INTU: variants seen among roughly 807,000 people sequenced by gnomAD.
INTU encodes inturned planar cell polarity protein, also known as protein inturned.
A neutral mutation model predicts 100.5 loss-of-function variants in INTU; 68 were observed. The observed-to-expected ratio is 0.68, with a 90% CI of 0.56 to 0.83. The LOEUF is 0.83. Among genes scored for constraint, INTU ranks in the 40% least tolerant of loss-of-function variants. The pLI is 0.00. For synonymous variants in INTU, 357 were observed against 395.7 expected (o/e 0.90, Z 1.16); for missense variants, 1,071 against 1,114.7 (o/e 0.96, Z 0.56).
At chr4:127,655,997 C>T (rs1308272433) in intron 2 of INTU, among the ~76,000 whole-genome samples, 8 of 152,308 alleles carry the variant, frequency 5.3e-5, no homozygotes, top group Admixed American at 2.6e-4. Flanking sequence ...CAGGTGCGTC[C>T]GTCACCCCTT....
chr4:127,686,998 CG>C, intron 7 of INTU: 1 of 152,234 alleles, frequency 6.6e-6, no homozygotes, highest in South Asian at 2.1e-4. Flanking sequence ...CCAAGTATTT[CG>C]GTTTTTTCTG....
chr4:127,680,263 C>G (rs1560857623), intron 6 of INTU, among the ~76,000 whole-genome samples: 1 of 151,994 alleles, frequency 6.6e-6, no homozygotes, highest in Non-Finnish European at 1.5e-5. Flanking sequence ...ATGAGGCCAG[C>G]ATCATCCTGA....
chr4:127,698,462 C>CAA (rs767877808), intron 8 of INTU, among the ~76,000 whole-genome samples: 5 of 97,934 alleles, frequency 5.1e-5, no homozygotes, highest in Non-Finnish European at 4.3e-5. Context: ...CACTCTGTCT[C>CAA]AAAAAAAAAA....
At chr4:127,640,027 C>T (rs1405327840) in intron 1 of INTU, among the ~76,000 whole-genome samples, 1 of 152,094 alleles carries the variant, frequency 6.6e-6, no homozygotes. Flanking sequence ...GTCACTATCA[C>T]CTACCCTGAA....
intron 8 of INTU, among the ~76,000 whole-genome samples, chr4:127,688,661 T>G (rs1243358399): frequency 6.6e-6 from 1 of 152,202 alleles, no homozygotes; most frequent in East Asian, 1.9e-4. Flanking sequence ...TTTAAATTGA[T>G]GTATCAATCA....
intron 15 of INTU, among the ~76,000 whole-genome samples, chr4:127,714,919 G>A (rs1050660569): frequency 3.3e-5 from 5 of 152,004 alleles, no homozygotes; most frequent in East Asian, 1.9e-4. Context: ...GCAGTGGGCG[G>A]TATGGCAAAC....
At chr4:127,688,083 T>G (rs1003299280) in intron 8 of INTU, among the ~76,000 whole-genome samples, 2 of 152,160 alleles carry the variant, frequency 1.3e-5, no homozygotes, top group Non-Finnish European at 2.9e-5. Context: ...ACTTTTAAAT[T>G]TAAGCTTTAT....
intron 6 of INTU, among the ~76,000 whole-genome samples, chr4:127,676,415 G>A (rs919474918): frequency 4.6e-5 from 7 of 151,996 alleles, no homozygotes; most frequent in African/African-American, 9.7e-5. Flanking sequence ...GTGAAACCCC[G>A]TCTCTTCAGC....
Position 127,633,116 on chromosome 4 carries a change from G to A in INTU, c.82G>A (p.Asp28Asn). ...CCCCTCTTCACAAGAAGAAGATGAG[G>A]ACTATGATTTTGAAGATCGGGTCAG... Reference protein sequence around the residue: ...GDPSSQEEDEDYDFEDRVSDS... With the variant: ...GDPSSQEEDENYDFEDRVSDS... Residue 28 changes from aspartate to asparagine, a missense_variant, in exon 1 of 16, where the codon GAC (aspartate) becomes AAC (asparagine). Asp to Asn is a conservative substitution (Grantham distance 23). Transcript: ENST00000335251. The A allele has an allele frequency of 6.2e-7, 1 of 1,614,074 alleles. No individual in the cohort carries two copies. The highest frequency in any genetic ancestry group is 8.5e-7 in the Non-Finnish European group (1 of 1,179,944).
chr4:127,657,185 C>T (rs536651231), intron 3 of INTU, among the ~76,000 whole-genome samples: 43 of 151,984 alleles, frequency 2.8e-4, no homozygotes, highest in African/African-American at 9.9e-4. Flanking sequence ...AGCTTTTCTC[C>T]TGGACTTTTG....
chr4:127,657,462 A>T (rs1728286094), intron 3 of INTU, among the ~76,000 whole-genome samples: 1 of 152,068 alleles, frequency 6.6e-6, no homozygotes, highest in Non-Finnish European at 1.5e-5. Context: ...GGGGTCCCCA[A>T]ACCCTGGGCC....
rs1728193680 is a variant in INTU at position 127,655,990 on chromosome 4, G to T, written c.683-646G>T. ...GGGTGGGAGTGACCCGATTTTCCAG[G>T]TGCGTCCGTCACCCCTTTCTTTGAC... On this transcript the variant is annotated intron_variant, in intron 2 of 15. Coordinates refer to ENST00000335251, the MANE Select transcript of INTU (RefSeq NM_015693.4). Among the ~76,000 whole-genome samples the T allele has an allele frequency of 2.0e-5, 3 of 152,326 alleles. No homozygotes were observed. The East Asian group carries it at 5.8e-4, about 29-fold the overall frequency.
At chr4:127,673,147 A>G (rs1729009844) in intron 5 of INTU, among the ~76,000 whole-genome samples, 1 of 152,124 alleles carries the variant, frequency 6.6e-6, no homozygotes, top group Admixed American at 6.6e-5. Context: ...GTCACAAAAT[A>G]TTTGTTAAAT....
At chr4:127,698,175 G>A (rs1322268181) in intron 8 of INTU, among the ~76,000 whole-genome samples, 2 of 152,002 alleles carry the variant, frequency 1.3e-5, no homozygotes, top group Non-Finnish European at 2.9e-5. Flanking sequence ...GCTCACACCT[G>A]TAATCCCAGC....
Position 127,706,853 on chromosome 4 carries a change from G to T in INTU, c.2155G>T (p.Gly719Cys), listed in dbSNP as rs756896767. 2 of 1,614,072 alleles carry T rather than the reference G, an allele frequency of 1.2e-6. No individual in the cohort carries two copies. ...PSCSSGGSDN[G>C]CEGGEDDGFS... ...CTGTAGTAGTGGAGGATCTGACAATGGTTGTGAAGGTGGAGAAGATGATGG... is the reference window on the plus strand; with the variant it reads ...CTGTAGTAGTGGAGGATCTGACAATTGTTGTGAAGGTGGAGAAGATGATGG... Residue 719 changes from glycine to cysteine, a missense_variant, in exon 12 of 16, where the codon GGT becomes TGT. Physicochemically the swap from Gly to Cys is radical, Grantham distance 159. Transcript: ENST00000335251.
intron 8 of INTU, among the ~76,000 whole-genome samples, chr4:127,696,537 C>T (rs1288408628): frequency 1.3e-5 from 2 of 151,352 alleles, no homozygotes; most frequent in East Asian, 3.9e-4. Flanking sequence ...CCCCCCCTTT[C>T]ATTTCTGGTA....
chr4:127,690,747 C>T (rs1474690867), intron 8 of INTU, among the ~76,000 whole-genome samples: 1 of 152,090 alleles, frequency 6.6e-6, no homozygotes, highest in Admixed American at 6.5e-5. Context: ...TTCCCACGTA[C>T]CCCCTTCCCC....
At chr4:127,696,706 C>A (rs1251040082) in intron 8 of INTU, among the ~76,000 whole-genome samples, 2 of 151,572 alleles carry the variant, frequency 1.3e-5, no homozygotes, top group East Asian at 1.9e-4. Context: ...TTTATTATTT[C>A]TTTTCTTCTG....
chr4:127,656,565 T>C (rs1728235171), intron 2 of INTU, 71 bp from the exon 3 acceptor site: 3 of 1,067,812 alleles, frequency 2.8e-6, no homozygotes, highest in African/African-American at 3.1e-5. Context: ...AGCTGTTTAA[T>C]GTTCCAATTC....
Sources: gnomAD v4.1 joint callset for allele counts (sites outside exome capture counted in the v4.1 genomes callset) on GRCh38, gnomAD v4.1.1 for gene constraint, MANE v1.5 for transcripts, NCBI Gene and HGNC (gene_info 2026-07-23, HGNC 2026-07-21) for gene names.